NCAPG2: variants seen among roughly 807,000 people sequenced by gnomAD.
NCAPG2 encodes non-SMC condensin II complex subunit G2.
Under a neutral mutation model 141.1 loss-of-function variants are expected in NCAPG2, and 53 were observed. The ratio of observed to expected loss-of-function variants is 0.38; its 90% CI spans 0.30 to 0.47. The LOEUF is 0.47. Among genes scored for constraint, NCAPG2 ranks in the 20% least tolerant of loss-of-function variants. The probability of loss-of-function intolerance (pLI) is 0.99; values close to 1 mark genes in which losing one functional copy is unlikely to be tolerated. For missense variants in NCAPG2, 1,087 were observed against 1,389.0 expected (o/e 0.78, Z 3.46); for synonymous variants, 499 against 490.7 (o/e 1.02, Z -0.22).
intron 4 of NCAPG2, among the ~76,000 whole-genome samples, chr7:158,691,494 AACAT>A (rs1359603954): frequency 1.3e-5 from 2 of 152,238 alleles, no homozygotes; most frequent in Non-Finnish European, 2.9e-5. Context: ...TGTACTATAA[AACAT>A]ACATAAATCC....
chr7:158,692,796 T>C, intron 4 of NCAPG2, 46 bp downstream of exon 4: 1 of 1,085,986 alleles, frequency 9.2e-7, no homozygotes, highest in Non-Finnish European at 1.4e-6. Context: ...AACAAGTATT[T>C]CAACACCCAC....
At chr7:158,651,105 C>T (rs968758433) in intron 23 of NCAPG2, 133 bp from the exon 24 acceptor site, 1 of 911,192 alleles carries the variant, frequency 1.1e-6, no homozygotes, top group Non-Finnish European at 1.5e-6. Context: ...TGTTTGCCTG[C>T]TACCAGTGCC....
intron 16 of NCAPG2, among the ~76,000 whole-genome samples, chr7:158,661,032 C>G (rs1242176766): frequency 6.6e-6 from 1 of 152,186 alleles, no homozygotes; most frequent in Non-Finnish European, 1.5e-5. Context: ...CATTAAACCT[C>G]TTTTTCTTCA....
At chr7:158,671,414 G>T in intron 13 of NCAPG2, 100 bp downstream of exon 13, 2 of 1,388,792 alleles carry the variant, frequency 1.4e-6, no homozygotes, top group Non-Finnish European at 2.0e-6. Flanking sequence ...AATCATATCA[G>T]TTATCAGTTT....
At chr7:158,651,089 T>G in intron 23 of NCAPG2, 117 bp from the exon 24 acceptor site, 2 of 1,101,146 alleles carry the variant, frequency 1.8e-6, no homozygotes, top group Non-Finnish European at 2.4e-6. Flanking sequence ...AAGGAGTCAC[T>G]GATCTTGTTT....
rs1831979505 is a variant in NCAPG2, at chr7:158,656,412, T to C, written c.2236A>G (p.Arg746Gly). 6.2e-7 allele frequency: 1 copy of C among 1,613,932 alleles called. No homozygotes were observed. The highest frequency in any genetic ancestry group is 1.1e-5 in the South Asian group (1 of 91,032). ...QAKSNTASKG[R>G]VQIHDTRPVK... is the part of the protein sequence containing the mutation. ...GGGCGTGTGTCATGGATCTGCACCCTACCTTTAGAAGCTGTGTTGCTCTGA... is the reference window on the plus strand; with the variant it reads ...GGGCGTGTGTCATGGATCTGCACCCCACCTTTAGAAGCTGTGTTGCTCTGA... The change falls in exon 19 of 28, where the codon AGG becomes GGG. Residue 746 changes from arginine to glycine, a missense_variant. Coordinates refer to ENST00000356309, the MANE Select transcript of NCAPG2 (RefSeq NM_017760.7).
At chr7:158,686,671 G>T (rs1587273656) in intron 7 of NCAPG2, among the ~76,000 whole-genome samples, 1 of 152,072 alleles carries the variant, frequency 6.6e-6, no homozygotes, top group South Asian at 2.1e-4. Flanking sequence ...AAATCTATTA[G>T]TTCAACTCAA....
At chr7:158,671,909 T>C in intron 12 of NCAPG2, among the ~76,000 whole-genome samples, 1 of 152,196 alleles carries the variant, frequency 6.6e-6, no homozygotes, top group Non-Finnish European at 1.5e-5. Context: ...TCAAATAAGA[T>C]TAAAGCAATT....
chr7:158,641,136 A>AG (rs1830614265), intron 27 of NCAPG2: 1 of 179,882 alleles, frequency 5.6e-6, no homozygotes, highest in South Asian at 2.0e-4. Context: ...AAAAAAAAAA[A>AG]GTATAACTGA....
chr7:158,656,504 C>T (rs746219235), intron 18 of NCAPG2, 48 bp downstream of exon 18: 6 of 1,611,688 alleles, frequency 3.7e-6, no homozygotes, highest in Non-Finnish European at 5.1e-6. Context: ...TTCTAATACA[C>T]AGTTATCCTC....
chr7:158,652,329 T>G lies in NCAPG2; in HGVS notation c.2898A>C (p.Ala966=), dbSNP rs201751094. 2.3e-4 allele frequency: 378 copies of G among 1,613,962 alleles called. No individual in the cohort carries two copies. The highest frequency in any genetic ancestry group is 3.0e-4 in the Non-Finnish European group (358 of 1,180,012). ...CTTCCGGCTGCTTCCTGAAGCTCCGTGCAATACATTCCAACATTTTCTGAA... is the reference window on the plus strand; with the variant it reads ...CTTCCGGCTGCTTCCTGAAGCTCCGGGCAATACATTCCAACATTTTCTGAA... ...KVFQKMLECI[A]RSFRKQPEEG... is the part of the protein sequence containing the mutation. The change falls in exon 23 of 28, where the codon GCA becomes GCC. Residue 966 remains alanine, a synonymous_variant. Coordinates refer to ENST00000356309, the MANE Select transcript of NCAPG2 (RefSeq NM_017760.7).
chr7:158,668,230 GGT>G, intron 13 of NCAPG2: 1 of 299,420 alleles, frequency 3.3e-6, no homozygotes, highest in African/African-American at 1.1e-4. Context: ...CCCACTACTG[GGT>G]CCCTCTGCCC....
intron 27 of NCAPG2, among the ~76,000 whole-genome samples, chr7:158,635,773 A>C (rs1830149675): frequency 6.6e-6 from 1 of 152,238 alleles, no homozygotes; most frequent in East Asian, 1.9e-4. Context: ...TTAGTTGTTA[A>C]GAAAACGTGC....
intron 12 of NCAPG2, among the ~76,000 whole-genome samples, chr7:158,674,418 C>T (rs1833931497): frequency 6.6e-6 from 1 of 152,056 alleles, no homozygotes; most frequent in Admixed American, 6.5e-5. Context: ...TCTCAAGTAG[C>T]TGGGACTACA....
chr7:158,661,511 G>C (rs1440269936), intron 16 of NCAPG2, among the ~76,000 whole-genome samples: 3 of 152,102 alleles, frequency 2.0e-5, no homozygotes, highest in African/African-American at 7.2e-5. Context: ...TTAGATCAGA[G>C]GAGTAAGTTC....
At chr7:158,701,363 C>CA (rs1324336398) in intron 2 of NCAPG2, among the ~76,000 whole-genome samples, 1 of 152,112 alleles carries the variant, frequency 6.6e-6, no homozygotes, top group African/African-American at 2.4e-5. Flanking sequence ...CTATTTTGTC[C>CA]ACTAGTTCTC....
In NCAPG2 at chr7:158,694,705, TA is replaced by T. The variant is rs947673567; in HGVS notation, c.79-1209del. The stretch of plus-strand genomic sequence containing the variant: ...TAAGATGGAGGAACTAGAGTAAAGA[TA>T]ACCTCATAAGCCCTCCATCCCCCCA... On this transcript the variant is annotated intron_variant, in intron 2 of 27. Transcript: ENST00000356309. Among the ~76,000 whole-genome samples, 23 of 152,316 alleles carry T rather than the reference TA, an allele frequency of 1.5e-4. 1 individual carries two copies. The highest frequency in any genetic ancestry group is 5.1e-4 in the African/African-American group (21 of 41,578).
intron 24 of NCAPG2, among the ~76,000 whole-genome samples, chr7:158,647,898 T>G (rs1180003517): frequency 6.6e-6 from 1 of 152,126 alleles, no homozygotes; most frequent in African/African-American, 2.4e-5. Context: ...TTGCCTAGGT[T>G]GGCCTCGAAC....
chr7:158,680,632 A>T, intron 10 of NCAPG2, 89 bp downstream of exon 10: 1 of 806,728 alleles, frequency 1.2e-6, no homozygotes, highest in Non-Finnish European at 1.8e-6. Flanking sequence ...TATCTTTACT[A>T]TTTTATTGTA....
Sources: gnomAD v4.1 joint callset for allele counts (sites outside exome capture counted in the v4.1 genomes callset) on GRCh38, gnomAD v4.1.1 for gene constraint, MANE v1.5 for transcripts, NCBI Gene and HGNC (gene_info 2026-07-23, HGNC 2026-07-21) for gene names.